Variants in PCDH7 observed in about 807,000 individuals in gnomAD.
PCDH7 encodes protocadherin 7.
A neutral mutation model predicts 58.9 loss-of-function variants in PCDH7; 17 were observed. That is an observed-to-expected ratio of 0.29 (90% CI 0.20 to 0.43). The LOEUF (loss-of-function observed/expected upper bound fraction) is 0.43. Among genes scored for constraint, PCDH7 ranks in the 20% least tolerant of loss-of-function variants. The probability of loss-of-function intolerance (pLI) is 1.00; values close to 1 mark genes in which losing one functional copy is unlikely to be tolerated. For synonymous variants in PCDH7, 664 were observed against 616.4 expected (o/e 1.08, Z -1.14); for missense variants, 1,274 against 1,441.0 (o/e 0.88, Z 1.88).
intron 1 of PCDH7, among the ~76,000 whole-genome samples, chr4:30,881,107 GA>G (rs1228396304): frequency 6.6e-6 from 1 of 152,004 alleles, no homozygotes; most frequent in Non-Finnish European, 1.5e-5. Flanking sequence ...TGGACTTATA[GA>G]ACATCTCCTC....
intron 3 of PCDH7, among the ~76,000 whole-genome samples, chr4:31,001,608 C>T (rs1012083425): frequency 5.3e-5 from 8 of 151,972 alleles, no homozygotes; most frequent in South Asian, 2.1e-4. Flanking sequence ...CACTAAAACA[C>T]GGTTGACACA....
At chr4:31,087,437 T>C (rs1341795104) in intron 3 of PCDH7, among the ~76,000 whole-genome samples, 1 of 152,174 alleles carries the variant, frequency 6.6e-6, no homozygotes, top group Non-Finnish European at 1.5e-5. Flanking sequence ...TTGGATCTGA[T>C]ATTCTCAGAA....
chr4:30,971,885 C>T lies in PCDH7; in HGVS notation c.*7+21670C>T, dbSNP rs555981678. ...GCTGAGATGTGAGGATCACCTGAGC[C>T]CAGGAGGTCGAGGCTGCATGAGCGG... On this transcript the variant is annotated intron_variant, in intron 3 of 3. Transcript: ENST00000509759. Among the ~76,000 whole-genome samples, 408 of 152,276 alleles carry T rather than the reference C, an allele frequency of 2.7e-3. 2 individuals are homozygous for T. Among genetic ancestry groups the T allele is most frequent in the African/African-American group, 9.3e-3 (387 of 41,568 alleles).
chr4:30,852,001 T>A (rs1228602998), intron 1 of PCDH7, among the ~76,000 whole-genome samples: 1 of 152,096 alleles, frequency 6.6e-6, no homozygotes, highest in Non-Finnish European at 1.5e-5. Flanking sequence ...GAAAATAGAT[T>A]TTTCAATGGA....
chr4:30,964,555 A>G (rs1255415001), intron 3 of PCDH7, among the ~76,000 whole-genome samples: 2 of 149,702 alleles, frequency 1.3e-5, no homozygotes, highest in East Asian at 3.9e-4. Context: ...AGTTTTATTT[A>G]TTTGGGGACT....
intron 3 of PCDH7, among the ~76,000 whole-genome samples, chr4:30,985,822 T>C (rs913266540): frequency 2.0e-5 from 3 of 152,162 alleles, no homozygotes; most frequent in African/African-American, 7.2e-5. Context: ...GGCTGCAGTG[T>C]TAATTGGCAA....
chr4:31,115,834 G>A (rs1422755157), intron 3 of PCDH7, among the ~76,000 whole-genome samples: 1 of 152,104 alleles, frequency 6.6e-6, no homozygotes, highest in Non-Finnish European at 1.5e-5. Context: ...AGAAAATTCA[G>A]TCCATTATCA....
intron 3 of PCDH7, among the ~76,000 whole-genome samples, chr4:31,097,520 GAAGA>G (rs1553850546): frequency 6.5e-4 from 80 of 123,704 alleles, no homozygotes; most frequent in Admixed American, 1.1e-3. Flanking sequence ...GAGAAAGAAA[GAAGA>G]AAGAAAGAAA....
chr4:30,885,187 GC>G (rs1326323352), intron 1 of PCDH7: 1 of 152,136 alleles, frequency 6.6e-6, no homozygotes, highest in Non-Finnish European at 1.5e-5. Context: ...GAGCACCCTT[GC>G]TTTCCACACA....
intron 1 of PCDH7, chr4:30,884,461 A>C (rs1737419075): frequency 6.6e-6 from 1 of 152,060 alleles, no homozygotes; most frequent in African/African-American, 2.4e-5. Context: ...GTTTATTTTC[A>C]ATTAGGGTAG....
chr4:30,996,595 G>A (rs13139117), intron 3 of PCDH7, among the ~76,000 whole-genome samples: 26,040 of 151,992 alleles, frequency 0.17, 2,797 homozygotes, highest in South Asian at 0.27. Context: ...TTGAAAAGTG[G>A]GTTCCTTCAG....
intron 1 of PCDH7, among the ~76,000 whole-genome samples, chr4:30,751,756 T>A (rs2109258911): frequency 6.6e-6 from 1 of 152,324 alleles, no homozygotes; most frequent in East Asian, 1.9e-4. Flanking sequence ...TAGACAATTT[T>A]ATTTTGAAGG....
Position 30,722,243 on chromosome 4 carries a change from A to G in PCDH7, c.821A>G (p.Tyr274Cys). The G allele has an allele frequency of 1.3e-6, 2 of 1,595,586 alleles. No homozygotes were observed. Among genetic ancestry groups the G allele is most frequent in the Admixed American group, 1.7e-5 (1 of 57,334 alleles). Reference sequence around the variant, plus strand: ...CTGGACCGCGAGCAGCGCGACTCCTACGAGCTGACCCTGCGAGTGCGCGAC... The same window carrying G: ...CTGGACCGCGAGCAGCGCGACTCCTGCGAGCTGACCCTGCGAGTGCGCGAC... The change falls in exon 1 of 2, where the codon TAC becomes TGC. Residue 274 changes from tyrosine (Y) to cysteine (C), a missense_variant. By Grantham distance (194) the Tyr-to-Cys change is radical (BLOSUM62 -2). This residue lies in a region of PCDH7 where 331 missense variants were observed against 303.2 expected (regional missense o/e 1.09). Transcript: ENST00000361762. The surrounding 1 kb of genome is among the most constrained non-coding windows in gnomAD (Gnocchi z 7.6).
intron 1 of PCDH7, among the ~76,000 whole-genome samples, chr4:30,795,113 G>C (rs1724620301): frequency 6.6e-6 from 1 of 152,036 alleles, no homozygotes; most frequent in African/African-American, 2.4e-5. Context: ...TGAGACTTTG[G>C]GGAAGTTACT....
intron 1 of PCDH7, among the ~76,000 whole-genome samples, chr4:30,729,449 T>C (rs1010782773): frequency 2.6e-5 from 4 of 152,008 alleles, no homozygotes; most frequent in African/African-American, 9.7e-5. Flanking sequence ...TAATAATTCT[T>C]TTCCCTCATG....
At chr4:30,861,811 T>G (rs942955419) in intron 1 of PCDH7, among the ~76,000 whole-genome samples, 2 of 152,174 alleles carry the variant, frequency 1.3e-5, no homozygotes, top group Non-Finnish European at 1.5e-5. Context: ...TAAAATCATA[T>G]TTTGGTCAGA....
intron 3 of PCDH7, among the ~76,000 whole-genome samples, chr4:31,003,093 C>T (rs1578534276): frequency 6.6e-6 from 1 of 152,110 alleles, no homozygotes; most frequent in East Asian, 1.9e-4. Flanking sequence ...GAAATAAAAT[C>T]ATGCTTATTT....
chr4:30,834,290 A>C (rs1200970229), intron 1 of PCDH7, among the ~76,000 whole-genome samples: 1 of 152,124 alleles, frequency 6.6e-6, no homozygotes, highest in Non-Finnish European at 1.5e-5. Flanking sequence ...TTTTTGAACA[A>C]AGGGCCCTGC....
chr4:31,031,882 T>C (rs2109187718), intron 3 of PCDH7, among the ~76,000 whole-genome samples: 1 of 152,330 alleles, frequency 6.6e-6, no homozygotes, highest in South Asian at 2.1e-4. Context: ...AAGCCTTTCA[T>C]GACTTTCCTC....
Sources: allele counts gnomAD v4.1 joint callset (sites outside exome capture counted in the v4.1 genomes callset), GRCh38; gene constraint gnomAD v4.1.1; regional missense constraint gnomAD v4.1.1; non-coding constraint Gnocchi (gnomAD v3.1); transcripts MANE v1.5; gene names NCBI Gene and HGNC (gene_info 2026-07-23, HGNC 2026-07-21).